The following SPATA16 variants were observed in gnomAD, a reference collection of about 807,000 sequenced individuals.
SPATA16 encodes the protein spermatogenesis associated 16.
SPATA16 carries 36 observed loss-of-function variants against 63.3 expected under a neutral mutation model. The ratio of observed to expected loss-of-function variants is 0.57; its 90% CI spans 0.44 to 0.75. The LOEUF is 0.75. Among genes scored for constraint, SPATA16 ranks in the 30% least tolerant of loss-of-function variants. SPATA16 has a pLI of 0.00. For missense variants in SPATA16, 646 were observed against 679.3 expected (o/e 0.95, Z 0.54); for synonymous variants, 203 against 216.7 (o/e 0.94, Z 0.56).
intron 2 of SPATA16, among the ~76,000 whole-genome samples, chr3:173,059,422 T>G (rs1316203723): frequency 6.6e-6 from 1 of 151,826 alleles, no homozygotes; most frequent in Non-Finnish European, 1.5e-5. Flanking sequence ...AGCTCATTTA[T>G]CTTACTTTTT....
At chr3:173,024,242 A>C (rs1475388352) in intron 3 of SPATA16, among the ~76,000 whole-genome samples, 1 of 151,648 alleles carries the variant, frequency 6.6e-6, no homozygotes, top group Non-Finnish European at 1.5e-5. Flanking sequence ...GCAAATAATG[A>C]TGTTTGGTTA....
intron 1 of SPATA16, among the ~76,000 whole-genome samples, chr3:173,127,093 A>G (rs1738246568): frequency 6.6e-6 from 1 of 152,256 alleles, no homozygotes; most frequent in Non-Finnish European, 1.5e-5. Flanking sequence ...GAAAAGTTGT[A>G]CGAATATCAA....
At chr3:173,087,183 A>G (rs573578868) in intron 2 of SPATA16, among the ~76,000 whole-genome samples, 6 of 152,300 alleles carry the variant, frequency 3.9e-5, no homozygotes, top group African/African-American at 1.2e-4. Flanking sequence ...GTCTCTAAGA[A>G]CTTGCTTTAT....
At chr3:173,004,444 A>AC (rs1051721573) in intron 4 of SPATA16, among the ~76,000 whole-genome samples, 15 of 151,578 alleles carry the variant, frequency 9.9e-5, no homozygotes, top group African/African-American at 3.6e-4. Flanking sequence ...AAAAAAAAAA[A>AC]AAAACACCAC....
At chr3:172,910,387 C>T (rs779509500) in intron 10 of SPATA16, among the ~76,000 whole-genome samples, 2 of 151,988 alleles carry the variant, frequency 1.3e-5, no homozygotes, top group African/African-American at 2.4e-5. Context: ...CCACTGCGCC[C>T]GGCCAGCAAA....
chr3:172,921,700 A>G (rs764726254), intron 8 of SPATA16, among the ~76,000 whole-genome samples: 52 of 152,236 alleles, frequency 3.4e-4, no homozygotes, highest in Non-Finnish European at 7.2e-4. Context: ...AACCAAAACC[A>G]ATACAAATAA....
intron 10 of SPATA16, among the ~76,000 whole-genome samples, chr3:172,910,092 C>CTT (rs35827342): frequency 6.1e-4 from 78 of 127,110 alleles, no homozygotes; most frequent in East Asian, 1.1e-3. Context: ...ACAGCAAATG[C>CTT]TTTTTTTTTT....
chr3:173,016,280 A>G (rs945612167), intron 4 of SPATA16, among the ~76,000 whole-genome samples: 1 of 152,212 alleles, frequency 6.6e-6, no homozygotes, highest in African/African-American at 2.4e-5. Context: ...TGTCCATTGT[A>G]AACCTGATAT....
At chr3:172,909,667 C>A (rs149772415) in intron 10 of SPATA16, among the ~76,000 whole-genome samples, 1 of 152,292 alleles carries the variant, frequency 6.6e-6, no homozygotes, top group African/African-American at 2.4e-5. Context: ...TGCATGGAAG[C>A]CATTTGACTA....
Position 173,127,559 on chromosome 3 carries a change from G to A in SPATA16, c.-18-9810C>T, listed in dbSNP as rs957706629. On this transcript the variant is annotated intron_variant, in intron 1 of 10. Transcript: ENST00000351008. ...CTTCCTTGACATTGCCAATTTTGAA[G>A]AGTACAAGCCAGCTATTTTACAGAA... Among the ~76,000 whole-genome samples the A allele has an allele frequency of 5.9e-5, 9 of 152,086 alleles. 1 individual carries two copies. The highest frequency in any genetic ancestry group is 1.2e-4 in the Non-Finnish European group (8 of 68,014).
intron 10 of SPATA16, among the ~76,000 whole-genome samples, chr3:172,900,301 T>C (rs935505682): frequency 1.3e-5 from 2 of 152,208 alleles, no homozygotes; most frequent in Non-Finnish European, 2.9e-5. Context: ...TTTTTTCATA[T>C]AGATAATGCA....
chr3:173,073,500 A>T (rs1317468232), intron 2 of SPATA16, among the ~76,000 whole-genome samples: 4 of 152,260 alleles, frequency 2.6e-5, no homozygotes, highest in Non-Finnish European at 5.9e-5. Context: ...GCCAAGGAAC[A>T]GCTCATGCTG....
At chr3:173,029,593 A>G (rs1735553704) in intron 3 of SPATA16, among the ~76,000 whole-genome samples, 1 of 151,974 alleles carries the variant, frequency 6.6e-6, no homozygotes. Flanking sequence ...AAGGTTGCCT[A>G]TCTTTTGCTC....
At chr3:172,937,019 A>G (rs745873931) in intron 6 of SPATA16, among the ~76,000 whole-genome samples, 4 of 152,202 alleles carry the variant, frequency 2.6e-5, no homozygotes, top group Admixed American at 6.5e-5. Flanking sequence ...GGGCAGTGCT[A>G]TGGGACTGAG....
intron 4 of SPATA16, among the ~76,000 whole-genome samples, chr3:172,995,429 A>G (rs749162235): frequency 6.6e-6 from 1 of 152,088 alleles, no homozygotes; most frequent in Non-Finnish European, 1.5e-5. Flanking sequence ...TTCTAACAGA[A>G]CTGGATTTTA....
At chr3:172,951,887 G>A (rs1733442389) in intron 6 of SPATA16, among the ~76,000 whole-genome samples, 1 of 152,162 alleles carries the variant, frequency 6.6e-6, no homozygotes, top group African/African-American at 2.4e-5. Context: ...ACTTTGATAG[G>A]TAGACTCTTC....
At chr3:172,905,308 G>A (rs548363729) in intron 10 of SPATA16, among the ~76,000 whole-genome samples, 2 of 152,172 alleles carry the variant, frequency 1.3e-5, no homozygotes, top group East Asian at 3.9e-4. Context: ...TGAATGGTAC[G>A]GCTGCTGAAT....
At chr3:173,140,615 A>G (rs1325233661) in intron 1 of SPATA16, among the ~76,000 whole-genome samples, 1 of 152,182 alleles carries the variant, frequency 6.6e-6, no homozygotes, top group African/African-American at 2.4e-5. Context: ...AATGTCTTCA[A>G]TCCACAGTAA....
At chr3:173,073,104 T>C (rs950480829) in intron 2 of SPATA16, among the ~76,000 whole-genome samples, 3 of 152,184 alleles carry the variant, frequency 2.0e-5, no homozygotes, top group Non-Finnish European at 4.4e-5. Flanking sequence ...AAGGAGATGA[T>C]TTAGGGTATC....
Sources: allele counts gnomAD v4.1 joint callset (sites outside exome capture counted in the v4.1 genomes callset), GRCh38; gene constraint gnomAD v4.1.1; transcripts MANE v1.5; gene names NCBI Gene and HGNC (gene_info 2026-07-23, HGNC 2026-07-21).